Variants in VMA12 observed in about 807,000 individuals in gnomAD.
The protein encoded by VMA12 is vacuolar ATPase assembly protein VMA12.
chr17:28,358,839 G>A, the VMA12 span: 6 of 1,149,734 alleles, frequency 5.2e-6, no homozygotes, highest in East Asian at 4.7e-5. Context: ...GTAGAAAGAA[G>A]GGCTACACCC....
chr17:28,359,567 ACT>A, the VMA12 span: 1 of 582,808 alleles, frequency 1.7e-6, no homozygotes, highest in South Asian at 2.5e-5. Context: ...CATCTCATTC[ACT>A]GAGACTCTGG....
chr17:28,358,975 G>A, the VMA12 span: 10 of 1,612,706 alleles, frequency 6.2e-6, no homozygotes, highest in Non-Finnish European at 8.5e-6. Flanking sequence ...CCCAGAGGTT[G>A]TGAAGCCTCC....
chr17:28,358,283 T>A, the VMA12 span: 1 of 415,562 alleles, frequency 2.4e-6, no homozygotes, highest in South Asian at 1.8e-5. Flanking sequence ...AATCTGATAC[T>A]TTGTTTTGTT....
chr17:28,358,911 C>T, the VMA12 span: 4 of 1,605,704 alleles, frequency 2.5e-6, no homozygotes, highest in South Asian at 3.4e-5. Flanking sequence ...ACCTTTTCTT[C>T]TCAGATTCCA....
At chr17:28,361,232 G>A in the VMA12 span, 1 of 1,614,154 alleles carries the variant, frequency 6.2e-7, no homozygotes, top group East Asian at 2.2e-5. Context: ...GGCAATGGAA[G>A]GCGAGCTGGG....
chr17:28,359,879 C>G, the VMA12 span, among the ~76,000 whole-genome samples: 7 of 152,070 alleles, frequency 4.6e-5, no homozygotes, highest in East Asian at 1.4e-3. Context: ...CCATTGCACT[C>G]CAGCCTGAGC....
At chr17:28,360,943 G>C in the VMA12 span, 1 of 1,102,424 alleles carries the variant, frequency 9.1e-7, no homozygotes, top group South Asian at 1.3e-5. Flanking sequence ...GTTAGGTATT[G>C]AACAGATATT....
At chr17:28,360,968 G>A in the VMA12 span, 2 of 956,174 alleles carry the variant, frequency 2.1e-6, no homozygotes, top group Non-Finnish European at 1.6e-6. Flanking sequence ...CCATTAATAA[G>A]GGGAGCATTA....
chr17:28,357,972 G>A, the VMA12 span: 3 of 1,383,784 alleles, frequency 2.2e-6, no homozygotes, highest in Non-Finnish European at 3.0e-6. Flanking sequence ...TTCTTCTACG[G>A]AGCACTCATC....
At chr17:28,357,894 C>G in the VMA12 span, 4 of 1,613,304 alleles carry the variant, frequency 2.5e-6, no homozygotes, top group African/African-American at 5.3e-5. Context: ...GAGCCCCAGT[C>G]TCCAGTCCGG....
the VMA12 span, chr17:28,360,939 T>C: frequency 8.9e-7 from 1 of 1,124,844 alleles, no homozygotes; most frequent in Non-Finnish European, 1.3e-6. Flanking sequence ...ACAGGTTAGG[T>C]ATTGAACAGA....
the VMA12 span, chr17:28,360,799 C>T: frequency 4.3e-6 from 7 of 1,613,760 alleles, no homozygotes; most frequent in Admixed American, 3.3e-5. Context: ...TTGCTGCCTT[C>T]GTCTGCACTT....
chr17:28,358,853 T>A, the VMA12 span: 1 of 1,379,216 alleles, frequency 7.3e-7, no homozygotes, highest in South Asian at 1.3e-5. Context: ...TACACCCCTC[T>A]TGATCTTAAC....
chr17:28,360,858 A>G, the VMA12 span: 1 of 1,611,662 alleles, frequency 6.2e-7, no homozygotes, highest in Non-Finnish European at 8.5e-7. Flanking sequence ...GTGAGTAGGC[A>G]CTGGGCAGGG....
the VMA12 span, chr17:28,357,690 C>T: frequency 1.9e-5 from 30 of 1,612,628 alleles, no homozygotes; most frequent in Admixed American, 2.8e-4. Context: ...TCTTTGCTTG[C>T]GGGCGAGCGA....
chr17:28,357,843 G>A, the VMA12 span: 19 of 1,614,088 alleles, frequency 1.2e-5, no homozygotes, highest in Admixed American at 1.7e-5. Flanking sequence ...GTTTCTTTCC[G>A]TCTCATCCGG....
At chr17:28,359,972 T>G in the VMA12 span, among the ~76,000 whole-genome samples, 1 of 151,690 alleles carries the variant, frequency 6.6e-6, no homozygotes, top group Non-Finnish European at 1.5e-5. Flanking sequence ...TTTTTCTTCT[T>G]CTTTTTTTTT....
the VMA12 span, chr17:28,361,070 G>T: frequency 7.5e-7 from 1 of 1,325,674 alleles, no homozygotes; most frequent in South Asian, 1.2e-5. Flanking sequence ...AGGGTGGTTG[G>T]GGGGCTCTCC....
At chr17:28,363,639 G>A in the VMA12 span, 1 of 152,186 alleles carries the variant, frequency 6.6e-6, no homozygotes, top group Non-Finnish European at 1.5e-5. Flanking sequence ...ACATCAGAGG[G>A]CATCCAATCT....
Sources: gnomAD v4.1 joint callset for allele counts (sites outside exome capture counted in the v4.1 genomes callset) on GRCh38, gnomAD v4.1.1 for gene constraint, MANE v1.5 for transcripts, NCBI Gene and HGNC (gene_info 2026-07-23, HGNC 2026-07-21) for gene names.